MOB3B: variants seen among roughly 807,000 people sequenced by gnomAD.
The protein encoded by MOB3B is MOB kinase activator-like 2B.
Under a neutral mutation model 18.7 loss-of-function variants are expected in MOB3B, and 7 were observed. The ratio of observed to expected loss-of-function variants is 0.37; its 90% CI spans 0.21 to 0.70. The LOEUF is 0.70. Among genes scored for constraint, MOB3B ranks in the 30% least tolerant of loss-of-function variants. The pLI is 0.52. For synonymous variants in MOB3B, 111 were observed against 99.9 expected (o/e 1.11, Z -0.66); for missense variants, 253 against 281.3 (o/e 0.90, Z 0.72).
chr9:27,366,878 T>C (rs1232334469), intron 2 of MOB3B, among the ~76,000 whole-genome samples: 1 of 152,226 alleles, frequency 6.6e-6, no homozygotes, highest in Non-Finnish European at 1.5e-5. Flanking sequence ...TCTTTAGAGC[T>C]TGGCTCAGTG....
At chr9:27,453,982 C>T (rs1399437617) in intron 2 of MOB3B, among the ~76,000 whole-genome samples, 7 of 152,126 alleles carry the variant, frequency 4.6e-5, no homozygotes, top group Admixed American at 4.6e-4. Context: ...TACAACCTAC[C>T]TCCTTCCTGT....
chr9:27,380,095 G>A (rs534729173), intron 2 of MOB3B, among the ~76,000 whole-genome samples: 46 of 152,000 alleles, frequency 3.0e-4, no homozygotes, highest in Non-Finnish European at 5.1e-4. Flanking sequence ...ATCAACCCCT[G>A]TATCTTGCAA....
chr9:27,454,658 G>A (rs1268508959), intron 2 of MOB3B, among the ~76,000 whole-genome samples: 1 of 152,172 alleles, frequency 6.6e-6, no homozygotes, highest in East Asian at 1.9e-4. Context: ...GAAGAGGGAG[G>A]AGAATTTCAG....
chr9:27,451,678 C>T (rs757265276), intron 2 of MOB3B, among the ~76,000 whole-genome samples: 6 of 152,152 alleles, frequency 3.9e-5, no homozygotes, highest in Non-Finnish European at 5.9e-5. Context: ...CAGAAATATG[C>T]CCAGTATTCA....
chr9:27,516,134 T>G (rs1052339740), intron 1 of MOB3B, among the ~76,000 whole-genome samples: 1 of 152,186 alleles, frequency 6.6e-6, no homozygotes, highest in African/African-American at 2.4e-5. Flanking sequence ...GAAGGATTCT[T>G]GTTTAGAGGC....
chr9:27,494,564 G>C (rs888856958), intron 1 of MOB3B, among the ~76,000 whole-genome samples: 5 of 152,154 alleles, frequency 3.3e-5, no homozygotes, highest in Non-Finnish European at 1.5e-5. Flanking sequence ...CCCAATACTG[G>C]AGTGCAGTGG....
chr9:27,506,818 C>T lies in MOB3B; in HGVS notation c.-199+22737G>A, dbSNP rs187422361. 4.0e-3 allele frequency among the ~76,000 whole-genome samples: 601 copies of T among 151,300 alleles called. 5 individuals carry two copies. Among genetic ancestry groups the T allele is most frequent in the African/African-American group, 0.014 (572 of 41,190 alleles). On this transcript the variant is annotated intron_variant, in intron 1 of 3. Transcript: ENST00000262244. ...GTGCTGGGATTACAGGCGTGAGCCA[C>T]CACACCCCGGCTAATTTTTTTTTTT...
chr9:27,524,898 G>A (rs1205694024), intron 1 of MOB3B: 4 of 1,612,004 alleles, frequency 2.5e-6, no homozygotes, highest in East Asian at 4.5e-5. Flanking sequence ...GATTGTCCGA[G>A]TGGAAATCAG....
chr9:27,481,497 G>GTTTT (rs749380961), intron 1 of MOB3B, among the ~76,000 whole-genome samples: 2 of 89,056 alleles, frequency 2.2e-5, no homozygotes, highest in Admixed American at 1.5e-4. Flanking sequence ...AAGGAAGGTA[G>GTTTT]TTTTTTTTTT....
At position 27,330,428 on chromosome 9, in the gene MOB3B, A is replaced by C; in HGVS notation, c.*159T>G. The C allele has an allele frequency of 1.1e-6, 1 of 899,654 alleles. No homozygotes were observed. The highest frequency in any genetic ancestry group is 1.7e-6 in the Non-Finnish European group (1 of 595,736). 55.7% of individuals were successfully genotyped at this position (899,654 alleles called of 1,614,324 possible). A position where few individuals can be genotyped will look rare whatever the true frequency, so the allele number is the denominator to read the frequency against. Reference sequence around the variant, plus strand: ...AGCACTCAGAAGGTTAAGAGCACACAAAGTGAGTGGGGAATGTCTCTCAGG... The same window carrying C: ...AGCACTCAGAAGGTTAAGAGCACACCAAGTGAGTGGGGAATGTCTCTCAGG... On this transcript the variant is annotated 3_prime_UTR_variant, in exon 4 of 4. Coordinates refer to ENST00000262244, the MANE Select transcript of MOB3B (RefSeq NM_024761.5).
intron 2 of MOB3B, chr9:27,393,994 C>A (rs192566600): frequency 2.6e-5 from 4 of 152,196 alleles, no homozygotes; most frequent in Admixed American, 2.6e-4. Flanking sequence ...GGTAGATGAC[C>A]AGCTTTGGCT....
At chr9:27,439,481 T>C (rs1822562844) in intron 2 of MOB3B, among the ~76,000 whole-genome samples, 2 of 152,180 alleles carry the variant, frequency 1.3e-5, no homozygotes, top group African/African-American at 2.4e-5. Context: ...TACCTTATTA[T>C]GGGAGGTTTT....
At chr9:27,524,888 G>T in intron 1 of MOB3B, 1 of 1,613,066 alleles carries the variant, frequency 6.2e-7, no homozygotes, top group Non-Finnish European at 8.5e-7. Flanking sequence ...GTGCCTGGGA[G>T]ATTGTCCGAG....
intron 1 of MOB3B, among the ~76,000 whole-genome samples, chr9:27,510,586 T>C (rs1820128421): frequency 6.6e-6 from 1 of 152,240 alleles, no homozygotes. Flanking sequence ...AGGCTTTTCA[T>C]ATACTAACAT....
intron 2 of MOB3B, among the ~76,000 whole-genome samples, chr9:27,440,125 A>G (rs182999187): frequency 5.9e-5 from 9 of 152,340 alleles, no homozygotes; most frequent in African/African-American, 1.2e-4. Flanking sequence ...GCAGTAAAAC[A>G]CATTTCATGT....
chr9:27,425,404 C>CA (rs1162842248), intron 2 of MOB3B, among the ~76,000 whole-genome samples: 1 of 147,772 alleles, frequency 6.8e-6, no homozygotes, highest in East Asian at 2.0e-4. Flanking sequence ...ACAACAACAA[C>CA]AAAAAAACAA....
intron 2 of MOB3B, among the ~76,000 whole-genome samples, chr9:27,437,494 C>T (rs1822528432): frequency 6.6e-6 from 1 of 152,078 alleles, no homozygotes. Context: ...TCTGTTAGCA[C>T]ATTTATTTAT....
chr9:27,528,969 C>G (rs1022848848), intron 1 of MOB3B, among the ~76,000 whole-genome samples: 5 of 152,134 alleles, frequency 3.3e-5, no homozygotes, highest in African/African-American at 1.2e-4. Flanking sequence ...TTGTTGGCCC[C>G]AAAGTTAAGC....
chr9:27,408,461 A>G (rs565734169), intron 2 of MOB3B, among the ~76,000 whole-genome samples: 2 of 152,332 alleles, frequency 1.3e-5, no homozygotes, highest in South Asian at 4.1e-4. Context: ...GGGGAAATCC[A>G]TAACTTTGAC....
Sources: allele counts gnomAD v4.1 joint callset (sites outside exome capture counted in the v4.1 genomes callset), GRCh38; gene constraint gnomAD v4.1.1; transcripts MANE v1.5; gene names NCBI Gene and HGNC (gene_info 2026-07-23, HGNC 2026-07-21).